Variants in KCNMB2 observed in about 807,000 individuals in gnomAD.
KCNMB2 encodes potassium calcium-activated channel subfamily M regulatory beta subunit 2, also known as calcium-activated potassium channel subunit beta-2.
In KCNMB2, 9 loss-of-function variants were observed where a neutral mutation model predicts 24.5. The observed-to-expected ratio is 0.37, with a 90% CI of 0.22 to 0.64. KCNMB2 has a LOEUF of 0.64. Among genes scored for constraint, KCNMB2 ranks in the 30% least tolerant of loss-of-function variants. KCNMB2 has a pLI of 0.63. For missense variants in KCNMB2, 226 were observed against 284.3 expected, an observed-to-expected ratio of 0.79 and a Z score of 1.47; for synonymous variants, 109 against 104.4, an observed-to-expected ratio of 1.04 and a Z score of -0.27.
intron 1 of KCNMB2, among the ~76,000 whole-genome samples, chr3:178,630,938 A>G (rs1719298343): frequency 2.0e-5 from 3 of 152,230 alleles, no homozygotes; most frequent in Admixed American, 2.0e-4. Context: ...GCAACTTTCA[A>G]TTATCTGGAA....
chr3:178,766,441 G>C (rs1231735806), intron 1 of KCNMB2, among the ~76,000 whole-genome samples: 1 of 152,108 alleles, frequency 6.6e-6, no homozygotes, highest in Non-Finnish European at 1.5e-5. Context: ...TGATCCTCCT[G>C]CTTCAGCTTC....
At chr3:178,816,137 AT>A (rs1714396385) in intron 2 of KCNMB2, among the ~76,000 whole-genome samples, 1 of 151,876 alleles carries the variant, frequency 6.6e-6, no homozygotes, top group South Asian at 2.1e-4. Flanking sequence ...TTATGGTGAT[AT>A]TTTTAATTGA....
At chr3:178,557,542 T>C (rs1323379044) in intron 1 of KCNMB2, among the ~76,000 whole-genome samples, 2 of 152,116 alleles carry the variant, frequency 1.3e-5, no homozygotes, top group African/African-American at 4.8e-5. Context: ...ATAAACAAGG[T>C]AACTGTCCAA....
chr3:178,644,368 G>C (rs9836513), intron 1 of KCNMB2, among the ~76,000 whole-genome samples: 1 of 152,206 alleles, frequency 6.6e-6, no homozygotes, highest in African/African-American at 2.4e-5. Context: ...ATGTGAATTG[G>C]ACCACAGGGC....
chr3:178,559,787 GATT>G (rs1716251240), intron 1 of KCNMB2, among the ~76,000 whole-genome samples: 1 of 150,360 alleles, frequency 6.7e-6, no homozygotes, highest in South Asian at 2.1e-4. Flanking sequence ...TTGCGAAAAT[GATT>G]ATTAATAGCC....
At chr3:178,775,644 T>C (rs1184968608) in intron 1 of KCNMB2, among the ~76,000 whole-genome samples, 1 of 152,208 alleles carries the variant, frequency 6.6e-6, no homozygotes, top group African/African-American at 2.4e-5. Context: ...TCTAGAGTAT[T>C]TGGGAAACAT....
rs945834747 is a variant in KCNMB2, at chr3:178,577,794, T to C, written c.-68+41083T>C. On this transcript the variant is annotated intron_variant, in intron 1 of 4. Transcript: ENST00000452583. Reference sequence around the variant, plus strand: ...AGGATATCAGAGATTGAAGATCAACTTGATGAAATAAAGTATGAAGACAAG... The same window carrying C: ...AGGATATCAGAGATTGAAGATCAACCTGATGAAATAAAGTATGAAGACAAG... 5.9e-5 allele frequency among the ~76,000 whole-genome samples: 9 copies of C among 152,100 alleles called. 1 individual carries two copies. The highest frequency in any genetic ancestry group is 2.2e-4 in the African/African-American group (9 of 41,476).
intron 1 of KCNMB2, among the ~76,000 whole-genome samples, chr3:178,778,470 A>ACGTGCGCGCGCGCGCGCGCGCG (rs1469982956): frequency 1.2e-4 from 11 of 88,686 alleles, no homozygotes; most frequent in Non-Finnish European, 1.7e-4. Context: ...ACACACACAC[A>ACGTGCGCGCGCGCGCGCGCGCG]CACACACACA....
chr3:178,825,420 A>G (rs2108467634), intron 2 of KCNMB2, among the ~76,000 whole-genome samples, 168 bp from the exon 3 acceptor site: 1 of 152,262 alleles, frequency 6.6e-6, no homozygotes, highest in East Asian at 1.9e-4. Context: ...GAGTGTGTGT[A>G]CATGCATGTG....
intron 1 of KCNMB2, among the ~76,000 whole-genome samples, chr3:178,649,104 A>C (rs1289746441): frequency 6.6e-6 from 1 of 152,086 alleles, no homozygotes; most frequent in Admixed American, 6.6e-5. Context: ...TTTAGATGTT[A>C]GTTTCCTTTA....
At chr3:178,664,333 C>T (rs1346426700) in intron 1 of KCNMB2, among the ~76,000 whole-genome samples, 1 of 152,024 alleles carries the variant, frequency 6.6e-6, no homozygotes, top group African/African-American at 2.4e-5. Flanking sequence ...TTGGAGAAAG[C>T]AGAGATAAGA....
chr3:178,587,473 G>A (rs1456728229), intron 1 of KCNMB2, among the ~76,000 whole-genome samples: 6 of 152,222 alleles, frequency 3.9e-5, no homozygotes, highest in African/African-American at 1.4e-4. Context: ...GCCCAGGCTG[G>A]AGTGCAATGG....
intron 1 of KCNMB2, among the ~76,000 whole-genome samples, chr3:178,730,153 A>C (rs1723096022): frequency 6.6e-6 from 1 of 152,206 alleles, no homozygotes; most frequent in Non-Finnish European, 1.5e-5. Flanking sequence ...CGTTCCAAGA[A>C]GTTAGAGATT....
intron 1 of KCNMB2, among the ~76,000 whole-genome samples, chr3:178,614,946 G>A (rs1450605312): frequency 2.0e-5 from 3 of 152,190 alleles, no homozygotes; most frequent in Non-Finnish European, 4.4e-5. Flanking sequence ...GAAAGGACTT[G>A]GGTGTTGTGA....
rs143742082 is a variant in KCNMB2, at chr3:178,702,509, G to A, written c.-67-104834G>A. Among the ~76,000 whole-genome samples the A allele has an allele frequency of 1.5e-3, 231 of 152,028 alleles. 4 individuals are homozygous for A. In the East Asian group the frequency reaches 0.037, roughly 24 times the overall value. On this transcript the variant is annotated intron_variant, in intron 1 of 4. Transcript: ENST00000452583. ...AGCTAATGAGAGAATTTGCCTGGTT[G>A]AGTGTGAAACTGAGCCCCACTGAGC...
intron 1 of KCNMB2, among the ~76,000 whole-genome samples, chr3:178,549,926 A>AT (rs201830065): frequency 2.6e-5 from 4 of 151,142 alleles, no homozygotes; most frequent in Non-Finnish European, 4.4e-5. Context: ...AAGTATGCAT[A>AT]TTTTTTTTTC....
chr3:178,542,664 T>C (rs1056940522), intron 1 of KCNMB2, among the ~76,000 whole-genome samples: 4 of 152,204 alleles, frequency 2.6e-5, no homozygotes, highest in Non-Finnish European at 5.9e-5. Flanking sequence ...AGGAAGAATC[T>C]AAAGAATAGA....
intron 1 of KCNMB2, among the ~76,000 whole-genome samples, chr3:178,598,557 T>C (rs552751823): frequency 2.0e-5 from 3 of 152,030 alleles, no homozygotes; most frequent in African/African-American, 7.2e-5. Context: ...AGTTTATTCA[T>C]TGGTTAGAAG....
chr3:178,593,691 T>C (rs1717762549), intron 1 of KCNMB2, among the ~76,000 whole-genome samples: 2 of 151,720 alleles, frequency 1.3e-5, no homozygotes, highest in Non-Finnish European at 2.9e-5. Context: ...CGTCTCTATC[T>C]ACTACCAATT....
Sources: allele counts gnomAD v4.1 joint callset (sites outside exome capture counted in the v4.1 genomes callset), GRCh38; gene constraint gnomAD v4.1.1; transcripts MANE v1.5; gene names NCBI Gene and HGNC (gene_info 2026-07-23, HGNC 2026-07-21).